Variants in MPO observed in about 807,000 individuals in gnomAD.
MPO encodes myeloperoxidase.
MPO carries 57 observed loss-of-function variants against 69.4 expected under a neutral mutation model. That is an observed-to-expected ratio of 0.82 (90% CI 0.66 to 1.02). The LOEUF is 1.02. MPO is among the 50% of genes least tolerant of loss of function. The pLI is 0.00. For missense variants in MPO, 971 were observed against 1,014.1 expected (o/e 0.96, Z 0.58); for synonymous variants, 426 against 417.1 (o/e 1.02, Z -0.26).
At chr17:58,274,345 GGAGTGTGTGT>G in intron 8 of MPO, 1 of 357,446 alleles carries the variant, frequency 2.8e-6, no homozygotes, top group East Asian at 8.4e-5. Flanking sequence ...CCAGAATCTA[GGAGTGTGTGT>G]GTGTGTGTGT....
intron 10 of MPO, among the ~76,000 whole-genome samples, chr17:58,272,139 T>C (rs1970373414): frequency 6.6e-6 from 1 of 152,096 alleles, no homozygotes; most frequent in Admixed American, 6.5e-5. Flanking sequence ...CCTCCTACCA[T>C]AAGGCAAACC....
At position 58,270,495 on chromosome 17, in the gene MPO, T is replaced by C; in HGVS notation, c.*161A>G. The C allele has an allele frequency of 1.4e-6, 1 of 707,658 alleles. No individual in the cohort carries two copies. Among genetic ancestry groups the C allele is most frequent in the South Asian group, 1.5e-5 (1 of 64,706 alleles). 43.8% of individuals were successfully genotyped at this position (707,658 alleles called of 1,614,324 possible). The stretch of plus-strand genomic sequence containing the variant: ...CACACACGCATGAAAAGCCAATTTA[T>C]ATACTTCGCACATACATGAGCACAC... On this transcript the variant is annotated 3_prime_UTR_variant, in exon 12 of 12. Coordinates refer to ENST00000225275, the MANE Select transcript of MPO (RefSeq NM_000250.2). This position sits in a 1 kb window ranked among gnomAD's most constrained non-coding sequence, Gnocchi z 4.1.
rs763826374 is a variant in MPO at position 58,279,368 on chromosome 17, A to G, written c.607T>C (p.Tyr203His). 1.3e-6 allele frequency: 2 copies of G among 1,595,310 alleles called. No individual in the cohort carries two copies. Among genetic ancestry groups the G allele is most frequent in the Non-Finnish European group, 8.5e-7 (1 of 1,171,188 alleles). ...TAGGGAAGAGAGAAGCCGTCCTCAT[A>G]CTCCGCCGGCAGCCAGCGCACAAAG... The part of the protein sequence containing the change: ...RAFVRWLPAE[Y>H]EDGFSLPYGW... Residue 203 changes from tyrosine to histidine, a missense_variant, in exon 5 of 12, where the codon TAT becomes CAT. Tyr to His is a moderately conservative substitution (Grantham distance 83, BLOSUM62 2). Coordinates refer to ENST00000225275, the MANE Select transcript of MPO (RefSeq NM_000250.2).
At chr17:58,274,186 TG>T in intron 8 of MPO, 1 of 501,530 alleles carries the variant, frequency 2.0e-6, no homozygotes. Context: ...AGGGCCATTC[TG>T]GCATGATTTT....
chr17:58,271,725 T>C lies in MPO; in HGVS notation c.1960A>G (p.Lys654Glu), dbSNP rs1970367247. The change falls in exon 11 of 12, where the codon AAA becomes GAA. Residue 654 changes from lysine (K) to glutamate (E), a missense_variant. Lys to Glu is a moderately conservative substitution (Grantham distance 56). Coordinates refer to ENST00000225275, the MANE Select transcript of MPO (RefSeq NM_000250.2). ...MGGVSEPLKR[K>E]GRVGPLLACI... Reference sequence around the variant, plus strand: ...GCGAGGAGTGGGCCCACGCGGCCTTTGCGCTTCAGAGGCTCGGACACGCCG... The same window carrying C: ...GCGAGGAGTGGGCCCACGCGGCCTTCGCGCTTCAGAGGCTCGGACACGCCG... 25 of 1,614,080 alleles carry C rather than the reference T, an allele frequency of 1.5e-5. No individual in the cohort carries two copies. Among genetic ancestry groups the C allele is most frequent in the Non-Finnish European group, 2.1e-5 (25 of 1,180,038 alleles).
At chr17:58,279,272 GC>G in intron 5 of MPO, 24 bp downstream of exon 5, 1 of 1,561,464 alleles carries the variant, frequency 6.4e-7, no homozygotes, top group South Asian at 1.2e-5. Flanking sequence ...GCCGGGCCTC[GC>G]CCCCTCTGCC....
intron 2 of MPO, 23 bp downstream of exon 2, chr17:58,280,343 C>T (rs1008961683): frequency 8.1e-6 from 13 of 1,611,434 alleles, no homozygotes; most frequent in Non-Finnish European, 1.1e-5. Flanking sequence ...TTGCCCAGAG[C>T]TGGGCAGTGC....
chr17:58,278,062 G>T lies in MPO; in HGVS notation c.969C>A (p.Asn323Lys), dbSNP rs1197536833. The part of the protein sequence containing the change: ...FRSCPACPGS[N>K]ITIRNQINAL... Reference sequence around the variant, plus strand: ...CGTTGATCTGGTTGCGGATGGTGATGTTGCTCCCGGGGCAAGCCGGGCAGG... The same window carrying T: ...CGTTGATCTGGTTGCGGATGGTGATTTTGCTCCCGGGGCAAGCCGGGCAGG... The change falls in exon 7 of 12, where the codon AAC becomes AAA. Residue 323 changes from asparagine (N) to lysine (K), a missense_variant. Coordinates refer to ENST00000225275, the MANE Select transcript of MPO (RefSeq NM_000250.2). The T allele has an allele frequency of 6.2e-7, 1 of 1,612,698 alleles. No homozygotes were observed.
In MPO at chr17:58,278,016, C is replaced by T. The variant is rs1469163093; in HGVS notation, c.1015G>A (p.Ala339Thr). 1.9e-6 allele frequency: 3 copies of T among 1,613,850 alleles called. No homozygotes were observed. The highest frequency in any genetic ancestry group is 1.7e-6 in the Non-Finnish European group (2 of 1,180,042). ...TCCTCGCTGCCGTACACCATGCTGGCGTCCACGAAGGAAGTGAGCGCGTTG... is the reference window on the plus strand; with the variant it reads ...TCCTCGCTGCCGTACACCATGCTGGTGTCCACGAAGGAAGTGAGCGCGTTG... The part of the protein sequence containing the change: ...QINALTSFVD[A>T]SMVYGSEEPL... The change falls in exon 7 of 12, where the codon GCC becomes ACC. Residue 339 changes from alanine to threonine, a missense_variant. Transcript: ENST00000225275.
rs1447337015 is a variant in MPO at position 58,280,683 on chromosome 17, C to T, written c.76G>A (p.Glu26Lys). 2 of 1,614,114 alleles carry T rather than the reference C, an allele frequency of 1.2e-6. No individual in the cohort carries two copies. Among genetic ancestry groups the T allele is most frequent in the Non-Finnish European group, 1.7e-6 (2 of 1,180,044 alleles). ...GCTAGGGCCAGAAGCAGCTTCATCT[C>T]TGCAGTGAGACCCCCAGCCCAGCAA... is the stretch of plus-strand genomic sequence containing the variant. ...GPCWAGGLTAEMKLLLALAGL... is the reference protein window; with the variant it reads ...GPCWAGGLTAKMKLLLALAGL... The change falls in exon 1 of 12, where the codon GAG becomes AAG. Residue 26 changes from glutamate (E) to lysine (K), a missense_variant. Glu to Lys is a moderately conservative substitution (Grantham distance 56). Transcript: ENST00000225275.
rs1970481802 is a variant in MPO, at chr17:58,279,319, C to G, written c.656G>C (p.Arg219Pro). The G allele has an allele frequency of 1.9e-6, 3 of 1,569,150 alleles. No individual in the cohort carries two copies. The highest frequency in any genetic ancestry group is 8.6e-7 in the Non-Finnish European group (1 of 1,157,394). Residue 219 changes from arginine to proline, a missense_variant, in exon 5 of 12, where the codon CGC becomes CCC. Physicochemically the swap from Arg to Pro is moderately radical, Grantham distance 103 (BLOSUM62 -2). Coordinates refer to ENST00000225275, the MANE Select transcript of MPO (RefSeq NM_000250.2). The stretch of plus-strand genomic sequence containing the variant: ...CACCAGAGCCACCGGGAAGCCGTTG[C>G]GCTTGACCCCGGGCGTCCAGCCGTA... ...LPYGWTPGVK[R>P]NGFPVALARA...
chr17:58,279,250 G>A (rs768563495), intron 5 of MPO, 36 bp from the exon 6 acceptor site: 19 of 1,572,278 alleles, frequency 1.2e-5, no homozygotes, highest in Non-Finnish European at 1.5e-5. Context: ...GCCTGGGTCC[G>A]CGCACCGCGT....
chr17:58,280,003 C>A lies in MPO; in HGVS notation c.260G>T (p.Arg87Leu), dbSNP rs141631800. 2 of 1,613,158 alleles carry A rather than the reference C, an allele frequency of 1.2e-6. No homozygotes were observed. ...GGGGCTGGCTGAGCCGCTGCGAAGC[C>A]GCTGCTTGATGCTGCTTGGAGAAAG... ...YKERRESIKQ[R>L]LRSGSASPME... The change falls in exon 3 of 12, where the codon CGG becomes CTG. Residue 87 changes from arginine to leucine, a missense_variant. By Grantham distance (102) the Arg-to-Leu change is moderately radical (BLOSUM62 -2). Coordinates refer to ENST00000225275, the MANE Select transcript of MPO (RefSeq NM_000250.2).
chr17:58,280,164 G>T, intron 2 of MPO, 150 bp from the exon 3 acceptor site: 1 of 1,117,086 alleles, frequency 9.0e-7, no homozygotes, highest in Non-Finnish European at 1.3e-6. Flanking sequence ...GGACCTGGGT[G>T]TCCAGACAGA....
chr17:58,276,969 G>A (rs914939024), intron 7 of MPO, among the ~76,000 whole-genome samples: 23 of 152,136 alleles, frequency 1.5e-4, no homozygotes, highest in African/African-American at 4.8e-4. Context: ...TTAGCCAAGT[G>A]TGGTGGCAGG....
At position 58,270,581 on chromosome 17, in the gene MPO, G is replaced by T; in HGVS notation, c.*75C>A. ...CCCAGAACAGGGCTGGGCTCATCTA[G>T]GGCAAGGAGATCTCCGTGGTTCCAA... On this transcript the variant is annotated 3_prime_UTR_variant, in exon 12 of 12. Coordinates refer to ENST00000225275, the MANE Select transcript of MPO (RefSeq NM_000250.2). The surrounding 1 kb of genome is among the most constrained non-coding windows in gnomAD (Gnocchi z 4.1). The T allele has an allele frequency of 1.6e-6, 2 of 1,256,492 alleles. No homozygotes were observed. The highest frequency in any genetic ancestry group is 2.3e-6 in the Non-Finnish European group (2 of 878,704). The allele number at this position is 1,256,492 out of a possible 1,614,324, so 77.8% of individuals were successfully genotyped here.
intron 8 of MPO, among the ~76,000 whole-genome samples, chr17:58,274,386 G>C (rs535421010): frequency 6.8e-6 from 1 of 147,600 alleles, no homozygotes; most frequent in South Asian, 2.1e-4. Flanking sequence ...GTGTGTGTGA[G>C]TGTGTGTATG....
rs776778275 is a variant in MPO, at chr17:58,278,140, C to T, written c.891G>A (p.Pro297=). ...QQPPCFPLKI[P]PNDPRIKNQA... ...GGTTCTTGATGCGGGGGTCATTGGG[C>T]GGGATCTGAGGCACAGAGAGAGGCT... is the stretch of plus-strand genomic sequence containing the variant. The change falls in exon 7 of 12, where the codon CCG becomes CCA. Residue 297 remains proline (P), a synonymous_variant. Transcript: ENST00000225275. The T allele has an allele frequency of 2.5e-6, 4 of 1,600,874 alleles. No homozygotes were observed. The East Asian group carries it at 6.7e-5, about 27-fold the overall frequency.
chr17:58,273,997 C>G (rs1970402649), intron 8 of MPO, among the ~76,000 whole-genome samples: 2 of 152,186 alleles, frequency 1.3e-5, no homozygotes, highest in Admixed American at 6.5e-5. Flanking sequence ...CTTTTTTAGT[C>G]ATTGTGATAA....
Sources: allele counts gnomAD v4.1 joint callset (sites outside exome capture counted in the v4.1 genomes callset), GRCh38; gene constraint gnomAD v4.1.1; non-coding constraint Gnocchi (gnomAD v3.1); transcripts MANE v1.5; gene names NCBI Gene and HGNC (gene_info 2026-07-23, HGNC 2026-07-21).